Variants in DHX8 observed in about 807,000 individuals in gnomAD.
DHX8 encodes DEAH-box helicase 8, also known as ATP-dependent RNA helicase DHX8.
Under a neutral mutation model 140.7 loss-of-function variants are expected in DHX8, and 67 were observed. That is an observed-to-expected ratio of 0.48 (90% CI 0.39 to 0.58). The LOEUF (loss-of-function observed/expected upper bound fraction) is 0.58. Ranked by LOEUF, DHX8 falls within the 20% of genes least tolerant of loss-of-function variation. DHX8 has a pLI of 0.00. For missense variants in DHX8, 887 were observed against 1,550.7 expected, an observed-to-expected ratio of 0.57 and a Z score of 7.19; for synonymous variants, 533 against 553.2, an observed-to-expected ratio of 0.96 and a Z score of 0.51.
intron 12 of DHX8, 91 bp downstream of exon 12, chr17:43,504,916 A>T (rs55956367): frequency 1.7e-6 from 2 of 1,199,878 alleles, no homozygotes; most frequent in Non-Finnish European, 1.2e-6. Context: ...CGGGACAAGT[A>T]TGTGCCTACT....
In DHX8 at chr17:43,523,831, C is replaced by T; in HGVS notation, c.3647C>T (p.Ala1216Val). 2 of 1,614,210 alleles carry T rather than the reference C, an allele frequency of 1.2e-6. No homozygotes were observed. Among genetic ancestry groups the T allele is most frequent in the Non-Finnish European group, 1.7e-6 (2 of 1,180,044 alleles). ...EEPNAWRISR[A>V]FRRR Reference sequence around the variant, plus strand: ...CCCAATGCCTGGAGAATATCTCGAGCTTTCCGACGGCGCTGAAAGGCAAGA... The same window carrying T: ...CCCAATGCCTGGAGAATATCTCGAGTTTTCCGACGGCGCTGAAAGGCAAGA... Residue 1216 changes from alanine to valine, a missense_variant, in exon 23 of 23, where the codon GCT becomes GTT. Around this residue, in one of 9 missense-constraint regions of DHX8, gnomAD observed 14 missense variants for 56.3 expected, o/e 0.25. Coordinates refer to ENST00000262415, the MANE Select transcript of DHX8 (RefSeq NM_004941.3).
intron 16 of DHX8, among the ~76,000 whole-genome samples, chr17:43,512,385 T>TG (rs1598162682): frequency 1.1e-5 from 1 of 88,340 alleles, no homozygotes; most frequent in African/African-American, 4.1e-5. Flanking sequence ...AGACTCTATC[T>TG]CAAAAAAAAA....
intron 3 of DHX8, among the ~76,000 whole-genome samples, chr17:43,541,189 G>A (rs1971501609): frequency 6.6e-6 from 1 of 152,116 alleles, no homozygotes; most frequent in Non-Finnish European, 1.5e-5. Flanking sequence ...CCAAACACTG[G>A]CCTTCTCCCA....
intron 22 of DHX8, among the ~76,000 whole-genome samples, chr17:43,523,002 G>A (rs1970456393): frequency 6.9e-6 from 1 of 145,546 alleles, no homozygotes. Context: ...GGCAGAGGTT[G>A]CAGTGAGCTG....
rs1008653722 is a variant in DHX8, at chr17:43,524,183, A to T, written c.*336A>T. On this transcript the variant is annotated 3_prime_UTR_variant, in exon 23 of 23. Transcript: ENST00000262415. ...GTGGGTGAGCATCTTGTGCAGGGAC[A>T]TGGTGAGTGCCCTGATGCCCCAGCT... 5.1e-6 allele frequency: 6 copies of T among 1,179,486 alleles called. No homozygotes were observed. The highest frequency in any genetic ancestry group is 6.4e-6 in the Non-Finnish European group (6 of 944,316). 73.1% of individuals were successfully genotyped at this position (1,179,486 alleles called of 1,614,324 possible). A position where few individuals can be genotyped will look rare whatever the true frequency, so the allele number is the denominator to read the frequency against.
rs1699304231 is a variant in DHX8, at chr17:43,508,008, C to T, written c.2309C>T (p.Thr770Ile). ...ATTACTGTTATGCAGATTCATTTAA[C>T]AGAACCACCAGGTAAGGGGAAAAAG... ...SLITVMQIHL[T>I]EPPGDILVFL... The change falls in exon 15 of 23, where the codon ACA (threonine) becomes ATA (isoleucine). Residue 770 changes from threonine to isoleucine, a missense_variant. By Grantham distance (89) the Thr-to-Ile change is moderately conservative (BLOSUM62 -1). Coordinates refer to ENST00000262415, the MANE Select transcript of DHX8 (RefSeq NM_004941.3). 3 of 1,613,704 alleles carry T rather than the reference C, an allele frequency of 1.9e-6. No homozygotes were observed. Among genetic ancestry groups the T allele is most frequent in the South Asian group, 2.2e-5 (2 of 90,884 alleles).
At chr17:43,526,319 C>G, downstream of DHX8, 2 of 1,423,120 alleles carry the variant, frequency 1.4e-6, no homozygotes, top group East Asian at 2.6e-5. Flanking sequence ...CCCCACCCCG[C>G]GAGAACCAAG....
intron 1 of DHX8, among the ~76,000 whole-genome samples, chr17:43,488,096 G>C (rs904186641): frequency 1.3e-5 from 2 of 152,078 alleles, no homozygotes; most frequent in Non-Finnish European, 2.9e-5. Flanking sequence ...TGGCCAATAT[G>C]GTGAAATCCT....
intron 6 of DHX8, 64 bp from the exon 7 acceptor site, chr17:43,493,381 G>A: frequency 1.9e-6 from 3 of 1,588,344 alleles, no homozygotes; most frequent in East Asian, 2.2e-5. Context: ...TCCAGTAAGG[G>A]TAGAAATTGG....
intron 8 of DHX8, among the ~76,000 whole-genome samples, chr17:43,494,142 CAA>C (rs1036031143): frequency 5.3e-5 from 8 of 152,170 alleles, no homozygotes; most frequent in Middle Eastern, 3.2e-3. Context: ...TGGCAGTAGA[CAA>C]GAGAGCTTGT....
chr17:43,529,916 T>C, downstream of DHX8: 2 of 1,614,092 alleles, frequency 1.2e-6, no homozygotes, highest in Non-Finnish European at 1.7e-6. Flanking sequence ...GCAGACATCA[T>C]CTGGGAATGG....
intron 9 of DHX8, among the ~76,000 whole-genome samples, chr17:43,498,078 T>TGGGG (rs528301583): frequency 1.6e-3 from 238 of 152,018 alleles, no homozygotes; most frequent in Middle Eastern, 3.4e-3. Flanking sequence ...TGGCTGGTGA[T>TGGGG]GGGGGAATAG....
chr17:43,508,617 TC>T (rs2154586661), intron 16 of DHX8, 97 bp downstream of exon 16: 28 of 697,798 alleles, frequency 4.0e-5, no homozygotes, highest in Non-Finnish European at 5.2e-5. Context: ...TGTATGCAAG[TC>T]TTTTTTTTTT....
At chr17:43,522,315 A>T in intron 22 of DHX8, 89 bp downstream of exon 22, 1 of 1,330,704 alleles carries the variant, frequency 7.5e-7, no homozygotes, top group Non-Finnish European at 1.0e-6. Flanking sequence ...TGTCTTCACT[A>T]CTCCCAGTAT....
chr17:43,534,890 G>A (rs143318603), intron 2 of DHX8, among the ~76,000 whole-genome samples: 5 of 152,034 alleles, frequency 3.3e-5, no homozygotes, highest in Non-Finnish European at 5.9e-5. Flanking sequence ...GCAGTGAGCC[G>A]AGATCACACC....
At position 43,524,487 on chromosome 17, in the gene DHX8, C is replaced by T; in HGVS notation, c.*640C>T. 1 of 987,602 alleles carries T rather than the reference C, an allele frequency of 1.0e-6. No individual in the cohort carries two copies. Among genetic ancestry groups the T allele is most frequent in the Non-Finnish European group, 1.2e-6 (1 of 831,574 alleles). 61.2% of individuals were successfully genotyped at this position (987,602 alleles called of 1,614,324 possible). A position where few individuals can be genotyped will look rare whatever the true frequency, so the allele number is the denominator to read the frequency against. On this transcript the variant is annotated 3_prime_UTR_variant, in exon 23 of 23. Transcript: ENST00000262415. ...TTGCGCTCGGAAACGACGTACAACC[C>T]AGACTTCCAGCCTTGTCTTTCAGCA...
rs569045107 is a variant in DHX8, at chr17:43,502,543, G to A, written c.1547-2101G>A. Among the ~76,000 whole-genome samples the A allele has an allele frequency of 3.4e-4, 51 of 152,216 alleles. 1 individual carries two copies. In the East Asian group the frequency reaches 7.4e-3, roughly 22 times the overall value. On this transcript the variant is annotated intron_variant, in intron 11 of 22. Transcript: ENST00000262415. The stretch of plus-strand genomic sequence containing the variant: ...GGGTTCAAGCGATTCTCCTGCCTCA[G>A]CCTCAAGTAGCTGGGACTACAGGTG...
At chr17:43,529,346 C>G, downstream of DHX8, 1 of 1,400,472 alleles carries the variant, frequency 7.1e-7, no homozygotes, top group Admixed American at 1.8e-5. Context: ...CAAGCTAGCT[C>G]TGCAACAAAG....
chr17:43,525,747 G>C, downstream of DHX8: 1 of 985,472 alleles, frequency 1.0e-6, no homozygotes, highest in Non-Finnish European at 1.2e-6. Context: ...TGGGACTACA[G>C]GTGCATGCCA....
Sources: allele counts gnomAD v4.1 joint callset (sites outside exome capture counted in the v4.1 genomes callset), GRCh38; gene constraint gnomAD v4.1.1; regional missense constraint gnomAD v4.1.1; transcripts MANE v1.5; gene names NCBI Gene and HGNC (gene_info 2026-07-23, HGNC 2026-07-21).